The following AHRR variants were observed in gnomAD, a reference collection of about 807,000 sequenced individuals.
AHRR encodes the protein aryl hydrocarbon receptor repressor, also known as ahR repressor.
AHRR carries 28 observed loss-of-function variants against 44.0 expected under a neutral mutation model. The observed-to-expected ratio is 0.64, with a 90% CI of 0.47 to 0.87. The LOEUF (loss-of-function observed/expected upper bound fraction) is 0.87. Among genes scored for constraint, AHRR ranks in the 40% least tolerant of loss-of-function variants. The pLI is 0.00. For synonymous variants in AHRR, 434 were observed against 407.0 expected, an observed-to-expected ratio of 1.07 and a Z score of -0.80; for missense variants, 990 against 953.9, an observed-to-expected ratio of 1.04 and a Z score of -0.50.
chr5:324,259 T>C lies in AHRR; in HGVS notation c.-11+2440T>C, dbSNP rs1436071807. 2.0e-5 allele frequency among the ~76,000 whole-genome samples: 3 copies of C among 151,038 alleles called. No individual in the cohort carries two copies. The East Asian group carries it at 6.0e-4, about 30-fold the overall frequency. The stretch of plus-strand genomic sequence containing the variant: ...ATTTTTGGTAGAGACAGGGTTTCAC[T>C]GTCTCTACTAAATGTTGGCCAGGCT... On this transcript the variant is annotated intron_variant, in intron 1 of 10. Transcript: ENST00000684583.
chr5:407,409 C>T (rs1249715203), intron 4 of AHRR, among the ~76,000 whole-genome samples: 1 of 152,118 alleles, frequency 6.6e-6, no homozygotes, highest in South Asian at 2.1e-4. Context: ...AGTACTTTAG[C>T]TTCTTTGATG....
intron 4 of AHRR, among the ~76,000 whole-genome samples, chr5:399,959 G>A (rs951887883): frequency 2.0e-5 from 3 of 152,228 alleles, no homozygotes; most frequent in African/African-American, 7.2e-5. Context: ...AAGCAAGAGC[G>A]CTGCCTCGCA....
Position 432,800 on chromosome 5 carries a change from C to G in AHRR, c.971-6C>G. 6.2e-7 allele frequency: 1 copy of G among 1,613,884 alleles called. No homozygotes were observed. The highest frequency in any genetic ancestry group is 8.5e-7 in the Non-Finnish European group (1 of 1,180,034). ...GACGGCTTCCCCCCCCTCTAAACCC[C>G]AACAGGAAGGAGCAGCAGAGAGAGC... On this transcript the variant is annotated splice_polypyrimidine_tract_variant and splice_region_variant and intron_variant, in intron 9 of 10. Coordinates refer to ENST00000684583, the MANE Select transcript of AHRR (RefSeq NM_001377236.1).
chr5:327,908 A>G (rs983536551), intron 1 of AHRR, among the ~76,000 whole-genome samples: 2 of 152,044 alleles, frequency 1.3e-5, no homozygotes, highest in Admixed American at 6.6e-5. Flanking sequence ...AGCATTAGGT[A>G]TATCTCCTAA....
At chr5:421,003 T>C (rs1439888810) in intron 5 of AHRR, 5 of 429,418 alleles carry the variant, frequency 1.2e-5, no homozygotes, top group Admixed American at 4.3e-5. Flanking sequence ...GTTCTTCTTA[T>C]GGTTCAGGAG....
chr5:413,487 T>G (rs903898821), intron 5 of AHRR, 54 bp downstream of exon 5: 2 of 1,278,004 alleles, frequency 1.6e-6, no homozygotes, highest in South Asian at 2.5e-5. Flanking sequence ...TTGTCTTCCC[T>G]TTGTAAATGT....
chr5:418,747 C>G (rs73038962), intron 5 of AHRR: 6,576 of 152,434 alleles, frequency 0.043, 245 homozygotes, highest in African/African-American at 0.098. Flanking sequence ...AGACTCCATG[C>G]TGAAGAACTG....
At chr5:418,268 C>G (rs1414595024) in intron 5 of AHRR, among the ~76,000 whole-genome samples, 1 of 152,156 alleles carries the variant, frequency 6.6e-6, no homozygotes, top group Non-Finnish European at 1.5e-5. Flanking sequence ...TAACATCATG[C>G]TCTCCCCCTC....
chr5:410,795 A>C (rs1735440140), intron 4 of AHRR, among the ~76,000 whole-genome samples: 1 of 152,134 alleles, frequency 6.6e-6, no homozygotes, highest in African/African-American at 2.4e-5. Context: ...CTTTGTAGGA[A>C]AGTTTTGATT....
intron 2 of AHRR, among the ~76,000 whole-genome samples, chr5:349,609 T>A (rs921733265): frequency 3.3e-5 from 5 of 151,984 alleles, no homozygotes; most frequent in East Asian, 1.9e-4. Context: ...AAGAAAATTT[T>A]AAAAAAAGAA....
At chr5:376,546 G>GAATC in intron 3 of AHRR, 64 bp from the exon 4 acceptor site, 1 of 1,395,664 alleles carries the variant, frequency 7.2e-7, no homozygotes, top group South Asian at 1.4e-5. Context: ...GGAAAGATGT[G>GAATC]AATGAAGAAG....
At chr5:432,158 C>T (rs557328478) in intron 8 of AHRR, 20 of 351,872 alleles carry the variant, frequency 5.7e-5, no homozygotes, top group African/African-American at 8.5e-5. Context: ...TCTGGCCTTC[C>T]AGGAAAAAAA....
rs1475543390 is a variant in AHRR at position 383,864 on chromosome 5, C to A, written c.351+7148C>A. 6.6e-6 allele frequency among the ~76,000 whole-genome samples: 1 copy of A among 152,138 alleles called. No homozygotes were observed. The highest frequency in any genetic ancestry group is 1.5e-5 in the Non-Finnish European group (1 of 68,030). On this transcript the variant is annotated intron_variant, in intron 4 of 10. Coordinates refer to ENST00000684583, the MANE Select transcript of AHRR (RefSeq NM_001377236.1). The surrounding 1 kb of genome is among the most constrained non-coding windows in gnomAD (Gnocchi z 4.0). ...ACAGGTGTGAGCCACCACACCCAGC[C>A]CCCAGCTTTCTTTTGATTAATGTTT...
intron 2 of AHRR, among the ~76,000 whole-genome samples, chr5:345,125 GA>G (rs1742579498): frequency 4.9e-5 from 1 of 20,608 alleles, no homozygotes. Context: ...TGTGTGTGGG[GA>G]TGTGTGTGTG....
rs1316900173 is a variant in AHRR at position 404,173 on chromosome 5, G to A, written c.352-9171G>A. 7.5e-6 allele frequency: 4 copies of A among 534,026 alleles called. No individual in the cohort carries two copies. Among genetic ancestry groups the A allele is most frequent in the South Asian group, 1.6e-5 (1 of 61,192 alleles). 33.1% of individuals were successfully genotyped at this position (534,026 alleles called of 1,614,324 possible). A position where few individuals can be genotyped will look rare whatever the true frequency, so the allele number is the denominator to read the frequency against. On this transcript the variant is annotated intron_variant, in intron 4 of 10. Coordinates refer to ENST00000684583, the MANE Select transcript of AHRR (RefSeq NM_001377236.1). The surrounding 1 kb of genome is among the most constrained non-coding windows in gnomAD (Gnocchi z 4.1). ...CCGTTCCTGGTGGGTCTGCATTCCTGTCACGAGCTGGTCTTCTGCAGCCTT... is the reference window on the plus strand; with the variant it reads ...CCGTTCCTGGTGGGTCTGCATTCCTATCACGAGCTGGTCTTCTGCAGCCTT...
chr5:404,689 T>C lies in AHRR; in HGVS notation c.352-8655T>C, dbSNP rs2672715. 134,646 of 174,468 alleles carry C rather than the reference T, an allele frequency of 0.77. 53,174 individuals are homozygous for C. The highest frequency in any genetic ancestry group is 0.85 in the Non-Finnish European group (70,391 of 82,338). 10.8% of individuals were successfully genotyped at this position (174,468 alleles called of 1,614,324 possible). A position where few individuals can be genotyped will look rare whatever the true frequency, so the allele number is the denominator to read the frequency against. ...AGTCTGGCCTTGGGGGGCGTCCCAG[T>C]CTTGTCACATGAGCTAAAACTAAAG... On this transcript the variant is annotated intron_variant, in intron 4 of 10. Transcript: ENST00000684583. The surrounding 1 kb of genome is among the most constrained non-coding windows in gnomAD (Gnocchi z 4.1).
At chr5:367,540 C>T (rs2721015) in intron 3 of AHRR, among the ~76,000 whole-genome samples, 101,939 of 152,090 alleles carry the variant, frequency 0.67, 34,769 homozygotes, top group African/African-American at 0.76. Flanking sequence ...CTGGTGGGGC[C>T]TGAATATGGC....
rs1734669579 is a variant in AHRR, at chr5:395,619, A to G, written c.352-17725A>G. Reference sequence around the variant, plus strand: ...CAGCCTTGCGTGTCTGGAAGCCCCAAGCCGCTCGGCAGACGGTCATCGGGC... The same window carrying G: ...CAGCCTTGCGTGTCTGGAAGCCCCAGGCCGCTCGGCAGACGGTCATCGGGC... On this transcript the variant is annotated intron_variant, in intron 4 of 10. Transcript: ENST00000684583. This position sits in a 1 kb window ranked among gnomAD's most constrained non-coding sequence, Gnocchi z 5.3. Among the ~76,000 whole-genome samples the G allele has an allele frequency of 6.6e-6, 1 of 152,224 alleles. No homozygotes were observed.
chr5:334,202 T>G (rs1742038738), intron 1 of AHRR, among the ~76,000 whole-genome samples: 1 of 152,172 alleles, frequency 6.6e-6, no homozygotes, highest in African/African-American at 2.4e-5. Flanking sequence ...AGTGTCTTTT[T>G]TGCACGATGT....
Sources: gnomAD v4.1 joint callset for allele counts (sites outside exome capture counted in the v4.1 genomes callset) on GRCh38, gnomAD v4.1.1 for gene constraint, Gnocchi (gnomAD v3.1) non-coding constraint, MANE v1.5 for transcripts, NCBI Gene and HGNC (gene_info 2026-07-23, HGNC 2026-07-21) for gene names.